Variants in MRTFB observed in about 807,000 individuals in gnomAD.
The protein encoded by MRTFB is myocardin-related transcription factor B.
MRTFB carries 29 observed loss-of-function variants against 104.2 expected under a neutral mutation model. The ratio of observed to expected loss-of-function variants is 0.28; its 90% CI spans 0.21 to 0.38. MRTFB has a LOEUF of 0.38. Among genes scored for constraint, MRTFB ranks in the 10% least tolerant of loss-of-function variants. MRTFB has a pLI of 1.00. For missense variants in MRTFB, 1,270 were observed against 1,341.6 expected (o/e 0.95, Z 0.83); for synonymous variants, 535 against 519.5 (o/e 1.03, Z -0.41).
At chr16:14,187,532 G>T (rs1345441737) in intron 3 of MRTFB, among the ~76,000 whole-genome samples, 3 of 152,164 alleles carry the variant, frequency 2.0e-5, no homozygotes, top group Non-Finnish European at 4.4e-5. Context: ...GTTGTAATGC[G>T]CATTGCATCG....
chr16:14,237,795 A>G (rs200783994), intron 9 of MRTFB, among the ~76,000 whole-genome samples: 14 of 152,276 alleles, frequency 9.2e-5, no homozygotes, highest in East Asian at 1.9e-4. Flanking sequence ...TACGTTCTCA[A>G]TGTTTAGGCA....
intron 15 of MRTFB, among the ~76,000 whole-genome samples, chr16:14,254,906 TG>T (rs2043414320): frequency 6.6e-6 from 1 of 152,234 alleles, no homozygotes; most frequent in Non-Finnish European, 1.5e-5. Context: ...CTATTACAGC[TG>T]TCCTCAGTGA....
At chr16:14,015,740 C>T in the MRTFB span, 2 of 393,738 alleles carry the variant, frequency 5.1e-6, no homozygotes, top group South Asian at 2.9e-4. Flanking sequence ...AATGCAGCAA[C>T]TTAATAATTA....
In MRTFB at chr16:14,140,571, C is replaced by G. The variant is rs562775969; in HGVS notation, c.-36C>G. On this transcript the variant is annotated 5_prime_UTR_variant, in exon 3 of 17. Transcript: ENST00000571589. Reference sequence around the variant, plus strand: ...TCTTCAATAGGCCGTGTTTAAGAGGCGTCTTACACTCCCTGTTGCCAGTGG... The same window carrying G: ...TCTTCAATAGGCCGTGTTTAAGAGGGGTCTTACACTCCCTGTTGCCAGTGG... 6.2e-7 allele frequency: 1 copy of G among 1,610,352 alleles called. No individual in the cohort carries two copies. Among genetic ancestry groups the G allele is most frequent in the Non-Finnish European group, 8.5e-7 (1 of 1,177,518 alleles).
chr16:14,166,133 CAT>C (rs2039228636), intron 3 of MRTFB, among the ~76,000 whole-genome samples: 1 of 151,374 alleles, frequency 6.6e-6, no homozygotes, highest in African/African-American at 2.4e-5. Context: ...AATGGGATAA[CAT>C]ATTACTTTCT....
the MRTFB span, among the ~76,000 whole-genome samples, chr16:14,024,997 T>C: frequency 6.6e-6 from 1 of 152,198 alleles, no homozygotes; most frequent in Non-Finnish European, 1.5e-5. Context: ...TTAGGCCATA[T>C]AGCTTTTCCT....
chr16:14,246,678 C>T lies in MRTFB; in HGVS notation c.1418C>T (p.Thr473Ile), dbSNP rs369486021. Reference protein sequence around the residue: ...VALPVTTLHNTVTSSVSTLKA... With the variant: ...VALPVTTLHNIVTSSVSTLKA... ...TTGCCGGTTACAACACTACACAACACTGTGACTAGCTCAGTCTCTACTCTC... is the reference window on the plus strand; with the variant it reads ...TTGCCGGTTACAACACTACACAACATTGTGACTAGCTCAGTCTCTACTCTC... Residue 473 changes from threonine (T) to isoleucine (I), a missense_variant, in exon 12 of 17, where the codon ACT becomes ATT. Around this residue, in one of 3 missense-constraint regions of MRTFB, gnomAD observed 1,144 missense variants for 1,131.5 expected, o/e 1.01. Coordinates refer to ENST00000571589, the MANE Select transcript of MRTFB (RefSeq NM_001308142.2). 1.2e-6 allele frequency: 2 copies of T among 1,614,226 alleles called. No homozygotes were observed. The highest frequency in any genetic ancestry group is 1.7e-5 in the Admixed American group (1 of 60,026).
At chr16:14,219,325 A>C (rs1451768182) in intron 8 of MRTFB, among the ~76,000 whole-genome samples, 4 of 152,252 alleles carry the variant, frequency 2.6e-5, no homozygotes, top group African/African-American at 7.2e-5. Flanking sequence ...AATCTAGTGC[A>C]TACAAAGGAA....
At chr16:14,188,652 T>C (rs747811892) in intron 3 of MRTFB, among the ~76,000 whole-genome samples, 2 of 152,124 alleles carry the variant, frequency 1.3e-5, no homozygotes, top group Non-Finnish European at 2.9e-5. Context: ...AATACTTGAG[T>C]TCAAATCCTA....
intron 3 of MRTFB, chr16:14,193,920 G>A (rs1024120769): frequency 6.6e-6 from 1 of 152,090 alleles, no homozygotes; most frequent in African/African-American, 2.4e-5. Context: ...TTCAACTTAG[G>A]ATTTTTGACT....
At chr16:14,241,681 T>G (rs1389659540) in intron 10 of MRTFB, among the ~76,000 whole-genome samples, 5 of 152,176 alleles carry the variant, frequency 3.3e-5, no homozygotes, top group Non-Finnish European at 1.5e-5. Flanking sequence ...CCTCTTAAGA[T>G]TCAAATATCT....
intron 2 of MRTFB, among the ~76,000 whole-genome samples, chr16:14,136,818 G>A (rs72783502): frequency 0.057 from 8,661 of 151,488 alleles, 477 homozygotes; most frequent in East Asian, 0.29. Flanking sequence ...GAACTGGTTT[G>A]TTTTTTGAGA....
At chr16:14,113,403 A>G (rs2036377929) in intron 2 of MRTFB, among the ~76,000 whole-genome samples, 1 of 152,242 alleles carries the variant, frequency 6.6e-6, no homozygotes, top group African/African-American at 2.4e-5. Flanking sequence ...GCCAAATAGC[A>G]GATGTTTATA....
At chr16:14,108,918 T>C (rs2036136479) in intron 2 of MRTFB, among the ~76,000 whole-genome samples, 1 of 152,228 alleles carries the variant, frequency 6.6e-6, no homozygotes, top group South Asian at 2.1e-4. Context: ...ATGTCTGTTA[T>C]TTACTGGAAG....
At chr16:14,164,445 A>G (rs978011488) in intron 3 of MRTFB, among the ~76,000 whole-genome samples, 1 of 151,536 alleles carries the variant, frequency 6.6e-6, no homozygotes, top group Non-Finnish European at 1.5e-5. Flanking sequence ...TGTGTTTGCC[A>G]TGTGTGTGCG....
intron 14 of MRTFB, 22 bp downstream of exon 14, chr16:14,252,045 G>A (rs780550834): frequency 3.7e-6 from 6 of 1,610,628 alleles, no homozygotes; most frequent in East Asian, 4.5e-5. Flanking sequence ...AGGCTTGTGT[G>A]TCAGTGACAG....
chr16:14,021,902 G>A, the MRTFB span, among the ~76,000 whole-genome samples: 1 of 152,012 alleles, frequency 6.6e-6, no homozygotes, highest in African/African-American at 2.4e-5. Flanking sequence ...TATCTTTTTC[G>A]TATAATGACT....
At chr16:14,248,514 C>G (rs530840325) in intron 12 of MRTFB, 1 of 154,366 alleles carries the variant, frequency 6.5e-6, no homozygotes, top group African/African-American at 2.4e-5. Context: ...GCGCCCTGGC[C>G]CCATTGCTGG....
At chr16:14,038,239 AT>A in the MRTFB span, among the ~76,000 whole-genome samples, 1 of 152,088 alleles carries the variant, frequency 6.6e-6, no homozygotes, top group East Asian at 1.9e-4. Flanking sequence ...ACCTCTTATT[AT>A]AAAAACACCA....
Sources: gnomAD v4.1 joint callset for allele counts (sites outside exome capture counted in the v4.1 genomes callset) on GRCh38, gnomAD v4.1.1 for gene constraint, gnomAD v4.1.1 regional missense constraint, MANE v1.5 for transcripts, NCBI Gene and HGNC (gene_info 2026-07-23, HGNC 2026-07-21) for gene names.